Variants in PDE3A observed in about 807,000 individuals in gnomAD.
PDE3A encodes cGMP-inhibited 3',5'-cyclic phosphodiesterase 3A.
A neutral mutation model predicts 98.3 loss-of-function variants in PDE3A; 43 were observed. That is an observed-to-expected ratio of 0.44 (90% CI 0.34 to 0.56). The LOEUF is 0.56. Ranked by LOEUF, PDE3A falls within the 20% of genes least tolerant of loss-of-function variation. PDE3A has a pLI of 0.01. For missense variants in PDE3A, 1,427 were observed against 1,440.7 expected (o/e 0.99, Z 0.15); for synonymous variants, 663 against 567.9 (o/e 1.17, Z -2.38).
chr12:20,671,503 G>T (rs1365020046), intron 15 of PDE3A, among the ~76,000 whole-genome samples: 4 of 151,666 alleles, frequency 2.6e-5, no homozygotes, highest in African/African-American at 9.7e-5. Flanking sequence ...TATCCACAAT[G>T]ATCAAGTGGG....
At chr12:20,419,425 T>G (rs1224137792) in intron 1 of PDE3A, among the ~76,000 whole-genome samples, 1 of 152,022 alleles carries the variant, frequency 6.6e-6, no homozygotes, top group Non-Finnish European at 1.5e-5. Context: ...CCCTAGTAGC[T>G]GGGACTACAG....
intron 4 of PDE3A, among the ~76,000 whole-genome samples, chr12:20,618,172 C>T (rs1175259895): frequency 6.6e-6 from 1 of 152,096 alleles, no homozygotes; most frequent in Non-Finnish European, 1.5e-5. Flanking sequence ...ATTCCTTCAT[C>T]ATTGTGAAGA....
chr12:20,504,697 C>G (rs1946083480), intron 1 of PDE3A, among the ~76,000 whole-genome samples: 1 of 152,068 alleles, frequency 6.6e-6, no homozygotes, highest in Middle Eastern at 3.4e-3. Flanking sequence ...TCTCCAGTTT[C>G]AAAGCTGGCA....
intron 1 of PDE3A, among the ~76,000 whole-genome samples, chr12:20,499,673 A>G (rs1394499018): frequency 6.6e-6 from 1 of 152,100 alleles, no homozygotes; most frequent in African/African-American, 2.4e-5. Context: ...CTTTACATAT[A>G]TTCAATTTTC....
intron 4 of PDE3A, among the ~76,000 whole-genome samples, chr12:20,620,492 A>G (rs1335425071): frequency 1.3e-5 from 2 of 152,072 alleles, no homozygotes; most frequent in African/African-American, 4.8e-5. Flanking sequence ...CAACATGTAT[A>G]AGTTTTAAGC....
In PDE3A at chr12:20,646,608, G is replaced by T; in HGVS notation, c.2365+5G>T. 1 of 1,524,452 alleles carries T rather than the reference G, an allele frequency of 6.6e-7. No individual in the cohort carries two copies. The highest frequency in any genetic ancestry group is 1.1e-5 in the South Asian group (1 of 89,228). The allele number at this position is 1,524,452 out of a possible 1,614,324, so 94.4% of individuals were successfully genotyped here. ...ATGGTTCAACCAGTGATTCAGGTATGTACGAAGTGAATCTGCACTGCCTTA... is the reference window on the plus strand; with the variant it reads ...ATGGTTCAACCAGTGATTCAGGTATTTACGAAGTGAATCTGCACTGCCTTA... On this transcript the variant is annotated splice_donor_5th_base_variant and intron_variant, in intron 11 of 15. Transcript: ENST00000359062.
At chr12:20,399,129 A>G (rs557582438) in intron 1 of PDE3A, among the ~76,000 whole-genome samples, 9 of 152,280 alleles carry the variant, frequency 5.9e-5, no homozygotes, top group Admixed American at 2.6e-4. Flanking sequence ...GAGTTCATCC[A>G]TGTCGTAGCA....
rs1248741263 is a variant in PDE3A, at chr12:20,393,210, A to C, written c.960+22966A>C. Among the ~76,000 whole-genome samples the C allele has an allele frequency of 2.6e-5, 4 of 151,998 alleles. No individual in the cohort carries two copies. In the East Asian group the frequency reaches 7.7e-4, roughly 29 times the overall value. On this transcript the variant is annotated intron_variant, in intron 1 of 15. Transcript: ENST00000359062. ...AGCAATTTACAAAAGAAAGAGGTTT[A>C]ATTGGACTTACAGTTCCACATGGCT...
Position 20,680,051 on chromosome 12 carries a change from G to T in PDE3A, c.3206G>T (p.Arg1069Ile). The T allele has an allele frequency of 1.2e-6, 2 of 1,601,846 alleles. No individual in the cohort carries two copies. Among genetic ancestry groups the T allele is most frequent in the Non-Finnish European group, 1.7e-6 (2 of 1,170,692 alleles). ...ESPKKKTFKR[R>I]KIYCQITQHL... ...TTAGAAAAGAAGACTTTCAAAAGGA[G>T]AAAAATCTACTGCCAAATAACTCAG... is the stretch of plus-strand genomic sequence containing the variant. The change falls in exon 16 of 16, where the codon AGA (arginine) becomes ATA (isoleucine). Residue 1069 changes from arginine (R) to isoleucine (I), a missense_variant. Physicochemically the swap from Arg to Ile is moderately conservative, Grantham distance 97. Transcript: ENST00000359062.
chr12:20,420,874 A>C (rs1944501092), intron 1 of PDE3A, among the ~76,000 whole-genome samples: 1 of 152,204 alleles, frequency 6.6e-6, no homozygotes, highest in Non-Finnish European at 1.5e-5. Context: ...TTCTTTATTC[A>C]TATGTTCTAA....
At chr12:20,378,198 T>C (rs543372784) in intron 1 of PDE3A, among the ~76,000 whole-genome samples, 59 of 151,800 alleles carry the variant, frequency 3.9e-4, no homozygotes, top group Admixed American at 3.3e-3. Flanking sequence ...TAGGTGAGTT[T>C]TGGAGCCATT....
chr12:20,629,304 T>G (rs1340326111), intron 5 of PDE3A, among the ~76,000 whole-genome samples: 3 of 152,206 alleles, frequency 2.0e-5, no homozygotes, highest in Non-Finnish European at 4.4e-5. Context: ...TGAAATGGAT[T>G]ATATTACATT....
chr12:20,431,225 A>T (rs1342500918), intron 1 of PDE3A, among the ~76,000 whole-genome samples: 1 of 152,188 alleles, frequency 6.6e-6, no homozygotes, highest in African/African-American at 2.4e-5. Flanking sequence ...ATGAGGCTGT[A>T]GGGAGAATGA....
At chr12:20,547,589 A>T (rs529046568) in intron 1 of PDE3A, among the ~76,000 whole-genome samples, 6 of 152,154 alleles carry the variant, frequency 3.9e-5, no homozygotes, top group Non-Finnish European at 5.9e-5. Context: ...TAGTGCAAAG[A>T]TAACTGTGGT....
At chr12:20,675,355 G>A (rs1945608938) in intron 15 of PDE3A, among the ~76,000 whole-genome samples, 1 of 152,130 alleles carries the variant, frequency 6.6e-6, no homozygotes. Flanking sequence ...CTGGAGAATA[G>A]TTCCATGTGC....
chr12:20,651,971 A>G (rs10770683), intron 14 of PDE3A, among the ~76,000 whole-genome samples: 102,550 of 146,278 alleles, frequency 0.7, 35,443 homozygotes, highest in East Asian at 0.8. Flanking sequence ...TCCTCTGTCC[A>G]TGTGTTCTCA....
Position 20,615,705 on chromosome 12 carries a change from C to A in PDE3A, c.1270-525C>A, listed in dbSNP as rs192291151. On this transcript the variant is annotated intron_variant, in intron 3 of 15. Transcript: ENST00000359062. ...ATTTGTATAAGCATTGAAATAAAGACCCTAAAAGGTTGGTTATGTATTTAT... is the reference window on the plus strand; with the variant it reads ...ATTTGTATAAGCATTGAAATAAAGAACCTAAAAGGTTGGTTATGTATTTAT... Among the ~76,000 whole-genome samples, 11 of 151,826 alleles carry A rather than the reference C, an allele frequency of 7.2e-5. No individual in the cohort carries two copies. In the East Asian group the frequency reaches 7.7e-4, roughly 11 times the overall value.
At chr12:20,399,853 T>G (rs1441746782) in intron 1 of PDE3A, among the ~76,000 whole-genome samples, 2 of 152,216 alleles carry the variant, frequency 1.3e-5, no homozygotes, top group Non-Finnish European at 2.9e-5. Flanking sequence ...GACAAGGCTT[T>G]TACAAACTCC....
At chr12:20,625,056 C>G (rs1427393313) in intron 5 of PDE3A, among the ~76,000 whole-genome samples, 1 of 152,136 alleles carries the variant, frequency 6.6e-6, no homozygotes, top group Non-Finnish European at 1.5e-5. Context: ...AAGATAAATA[C>G]CCTGTTTCCA....
Sources: gnomAD v4.1 joint callset for allele counts (sites outside exome capture counted in the v4.1 genomes callset) on GRCh38, gnomAD v4.1.1 for gene constraint, MANE v1.5 for transcripts, NCBI Gene and HGNC (gene_info 2026-07-23, HGNC 2026-07-21) for gene names.